Variants in SLC25A31 observed in about 807,000 individuals in gnomAD.
SLC25A31 encodes the protein ADP/ATP translocase 4.
In SLC25A31, 40 loss-of-function variants were observed where a neutral mutation model predicts 36.2. That is an observed-to-expected ratio of 1.10 (90% CI 0.86 to 1.44). The LOEUF (loss-of-function observed/expected upper bound fraction) is 1.44, where lower values mean the gene tolerates loss of function less well. Among genes scored for constraint, SLC25A31 ranks in the 40% most tolerant of loss-of-function variants. SLC25A31 has a pLI of 0.00. For missense variants in SLC25A31, 350 were observed against 397.1 expected (o/e 0.88, Z 1.01); for synonymous variants, 143 against 149.7 (o/e 0.96, Z 0.32).
intron 5 of SLC25A31, among the ~76,000 whole-genome samples, chr4:127,772,409 T>G (rs997202034): frequency 6.6e-6 from 1 of 152,206 alleles, no homozygotes; most frequent in Non-Finnish European, 1.5e-5. Flanking sequence ...TTTGTTACCG[T>G]TGCCATTTCT....
chr4:127,762,546 G>A (rs896975092), intron 2 of SLC25A31, among the ~76,000 whole-genome samples: 11 of 152,250 alleles, frequency 7.2e-5, no homozygotes, highest in African/African-American at 2.2e-4. Context: ...TGAATTGTAC[G>A]CTTTACATAG....
At chr4:127,733,736 G>GT (rs1250093872) in intron 1 of SLC25A31, among the ~76,000 whole-genome samples, 10 of 152,142 alleles carry the variant, frequency 6.6e-5, no homozygotes, top group African/African-American at 2.4e-4. Flanking sequence ...CCTGAAGATT[G>GT]TTTTTATGTT....
intron 2 of SLC25A31, among the ~76,000 whole-genome samples, 153 bp downstream of exon 2, chr4:127,744,952 A>G (rs1229691892): frequency 6.6e-6 from 1 of 152,012 alleles, no homozygotes; most frequent in Non-Finnish European, 1.5e-5. Flanking sequence ...TTTGGGGAGG[A>G]TGTGCTCAAG....
At chr4:127,755,229 G>A (rs1195130343) in intron 2 of SLC25A31, among the ~76,000 whole-genome samples, 1 of 152,074 alleles carries the variant, frequency 6.6e-6, no homozygotes, top group Admixed American at 6.5e-5. Context: ...ATGATTTTTT[G>A]GATATGACCC....
intron 2 of SLC25A31, among the ~76,000 whole-genome samples, chr4:127,756,168 A>T (rs1732028241): frequency 6.6e-6 from 1 of 152,258 alleles, no homozygotes; most frequent in African/African-American, 2.4e-5. Flanking sequence ...CATTATTCAC[A>T]ATAGCTAAGG....
rs568065623 is a variant in SLC25A31 at position 127,749,542 on chromosome 4, G to A, written c.360+4743G>A. Among the ~76,000 whole-genome samples, 13 of 152,106 alleles carry A rather than the reference G, an allele frequency of 8.5e-5. No homozygotes were observed. The South Asian group carries it at 1.7e-3, about 19-fold the overall frequency. On this transcript the variant is annotated intron_variant, in intron 2 of 5. Coordinates refer to ENST00000281154, the MANE Select transcript of SLC25A31 (RefSeq NM_031291.4). ...AGGCGGATCACGAGGTCAGCAGATC[G>A]AGACCATCCTGGCCAACGTGGTGAA...
intron 1 of SLC25A31, among the ~76,000 whole-genome samples, chr4:127,736,103 A>G (rs951284372): frequency 1.3e-5 from 2 of 151,386 alleles, no homozygotes; most frequent in East Asian, 3.9e-4. Context: ...GTTAGCCAGG[A>G]TGGTCTCGAT....
Position 127,764,232 on chromosome 4 carries a change from A to G in SLC25A31, c.361-11A>G. Reference sequence around the variant, plus strand: ...TGGTTTAATAACCACTTTTAAATTAATATGTTTCAGTTCTGGAGGTGGTTT... The same window carrying G: ...TGGTTTAATAACCACTTTTAAATTAGTATGTTTCAGTTCTGGAGGTGGTTT... On this transcript the variant is annotated splice_polypyrimidine_tract_variant and intron_variant, in intron 2 of 5. Coordinates refer to ENST00000281154, the MANE Select transcript of SLC25A31 (RefSeq NM_031291.4). The G allele has an allele frequency of 6.2e-7, 1 of 1,608,632 alleles. No homozygotes were observed. The highest frequency in any genetic ancestry group is 8.5e-7 in the Non-Finnish European group (1 of 1,175,904).
At chr4:127,732,557 A>G (rs1331401429) in intron 1 of SLC25A31, among the ~76,000 whole-genome samples, 1 of 152,222 alleles carries the variant, frequency 6.6e-6, no homozygotes, top group East Asian at 1.9e-4. Context: ...GTCAGGTAAA[A>G]TGAAGTATTC....
intron 5 of SLC25A31, among the ~76,000 whole-genome samples, chr4:127,769,315 C>T (rs557341714): frequency 3.3e-5 from 5 of 152,220 alleles, no homozygotes; most frequent in Non-Finnish European, 7.4e-5. Flanking sequence ...AAATATAAAT[C>T]CCTAAACCAA....
At chr4:127,771,338 C>A (rs1000683604) in intron 5 of SLC25A31, among the ~76,000 whole-genome samples, 1 of 152,148 alleles carries the variant, frequency 6.6e-6, no homozygotes, top group Admixed American at 6.5e-5. Context: ...CCTTTAAAGA[C>A]CCTATCTCCA....
rs539120461 is a variant in SLC25A31, at chr4:127,755,615, T to C, written c.361-8628T>C. Among the ~76,000 whole-genome samples, 135 of 152,272 alleles carry C rather than the reference T, an allele frequency of 8.9e-4. 1 individual carries two copies. Among genetic ancestry groups the C allele is most frequent in the African/African-American group, 3.1e-3 (127 of 41,548 alleles). ...ATCACCTCATACCTGTTAGAATGAC[T>C]ATTATCAAAAATATGAAAGATATGC... On this transcript the variant is annotated intron_variant, in intron 2 of 5. Transcript: ENST00000281154.
At chr4:127,772,514 C>T (rs1204954743) in intron 5 of SLC25A31, among the ~76,000 whole-genome samples, 1 of 151,980 alleles carries the variant, frequency 6.6e-6, no homozygotes, top group African/African-American at 2.4e-5. Context: ...TTTTTTTGTG[C>T]TGTTGTGTGT....
intron 3 of SLC25A31, among the ~76,000 whole-genome samples, chr4:127,766,071 A>G (rs933228021): frequency 2.0e-5 from 3 of 152,122 alleles, no homozygotes; most frequent in Non-Finnish European, 2.9e-5. Flanking sequence ...CTTCATATGA[A>G]ATGTTAACTA....
chr4:127,746,354 G>A (rs934003973), intron 2 of SLC25A31, among the ~76,000 whole-genome samples: 1 of 151,938 alleles, frequency 6.6e-6, no homozygotes, highest in Non-Finnish European at 1.5e-5. Context: ...AGCTCTTTGA[G>A]GAATCACTAT....
chr4:127,746,142 CT>C (rs34656504), intron 2 of SLC25A31, among the ~76,000 whole-genome samples: 1 of 152,122 alleles, frequency 6.6e-6, no homozygotes, highest in Non-Finnish European at 1.5e-5. Flanking sequence ...TGATTTTGTA[CT>C]TTTTTATGGC....
chr4:127,767,015 G>A (rs1732256649), intron 3 of SLC25A31, 51 bp from the exon 4 acceptor site: 1 of 1,455,754 alleles, frequency 6.9e-7, no homozygotes. Flanking sequence ...TGATTAAAGT[G>A]TTTATTGGAT....
intron 2 of SLC25A31, among the ~76,000 whole-genome samples, chr4:127,763,230 G>A (rs955859205): frequency 6.6e-6 from 1 of 152,190 alleles, no homozygotes; most frequent in Admixed American, 6.5e-5. Context: ...ATGGGTTGGA[G>A]ATCAGATATT....
chr4:127,754,833 T>C (rs1479301545), intron 2 of SLC25A31, among the ~76,000 whole-genome samples: 1 of 152,194 alleles, frequency 6.6e-6, no homozygotes, highest in African/African-American at 2.4e-5. Flanking sequence ...CTTCAATTTA[T>C]GTGGGATCAC....
Sources: gnomAD v4.1 joint callset for allele counts (sites outside exome capture counted in the v4.1 genomes callset) on GRCh38, gnomAD v4.1.1 for gene constraint, MANE v1.5 for transcripts, NCBI Gene and HGNC (gene_info 2026-07-23, HGNC 2026-07-21) for gene names.